ARHGAP15: variants seen among roughly 807,000 people sequenced by gnomAD.
The protein encoded by ARHGAP15 is Rho GTPase activating protein 15, also known as rho GTPase-activating protein 15.
ARHGAP15 carries 51 observed loss-of-function variants against 63.7 expected under a neutral mutation model. The ratio of observed to expected loss-of-function variants is 0.80; its 90% CI spans 0.64 to 1.01. ARHGAP15 has a LOEUF of 1.01. Ranked by LOEUF, ARHGAP15 falls within the 50% of genes least tolerant of loss-of-function variation. The pLI is 0.00. For missense variants in ARHGAP15, 560 were observed against 564.6 expected (o/e 0.99, Z 0.08); for synonymous variants, 191 against 193.8 (o/e 0.99, Z 0.12).
At chr2:143,260,084 T>G (rs1286410446) in intron 6 of ARHGAP15, among the ~76,000 whole-genome samples, 1 of 152,134 alleles carries the variant, frequency 6.6e-6, no homozygotes, top group African/African-American at 2.4e-5. Context: ...GGTTCATAAA[T>G]TTCTTCCCAT....
intron 6 of ARHGAP15, among the ~76,000 whole-genome samples, chr2:143,334,880 C>T (rs540386369): frequency 3.4e-4 from 51 of 152,210 alleles, no homozygotes; most frequent in Non-Finnish European, 1.5e-4. Context: ...CATCTGAGGT[C>T]GGGAGTTCGA....
At chr2:143,185,272 C>A (rs1373936531) in intron 2 of ARHGAP15, among the ~76,000 whole-genome samples, 2 of 152,152 alleles carry the variant, frequency 1.3e-5, no homozygotes, top group Non-Finnish European at 2.9e-5. Context: ...GAAAAATAAT[C>A]TTTTTCTCTT....
chr2:143,650,055 C>A lies in ARHGAP15; in HGVS notation c.1138+25788C>A, dbSNP rs865978298. On this transcript the variant is annotated intron_variant, in intron 12 of 13. Coordinates refer to ENST00000295095, the MANE Select transcript of ARHGAP15 (RefSeq NM_018460.4). Reference sequence around the variant, plus strand: ...TTTCATGTTGTTGGAGGTTTTTTTTCTTCTTTTAAATTCCGTCAGTAAACT... The same window carrying A: ...TTTCATGTTGTTGGAGGTTTTTTTTATTCTTTTAAATTCCGTCAGTAAACT... 6.7e-4 allele frequency among the ~76,000 whole-genome samples: 101 copies of A among 151,000 alleles called. 1 individual carries two copies. The Middle Eastern group carries it at 0.01, about 15-fold the overall frequency.
intron 1 of ARHGAP15, among the ~76,000 whole-genome samples, chr2:143,154,379 A>G (rs960238394): frequency 1.3e-5 from 2 of 151,852 alleles, no homozygotes; most frequent in Non-Finnish European, 2.9e-5. Context: ...ATTAGAATGA[A>G]TGATTCTAGC....
At chr2:143,637,200 A>G (rs1340845903) in intron 12 of ARHGAP15, among the ~76,000 whole-genome samples, 1 of 152,148 alleles carries the variant, frequency 6.6e-6, no homozygotes, top group Non-Finnish European at 1.5e-5. Flanking sequence ...AAGAGAAATC[A>G]TACTTCAGTG....
intron 12 of ARHGAP15, among the ~76,000 whole-genome samples, chr2:143,657,125 T>TCG (rs1488215228): frequency 6.6e-6 from 1 of 152,154 alleles, no homozygotes; most frequent in Admixed American, 6.5e-5. Context: ...GGTGGGCAGA[T>TCG]CGTGAGGTCA....
At chr2:143,338,311 A>G (rs2105278885) in intron 6 of ARHGAP15, among the ~76,000 whole-genome samples, 1 of 152,324 alleles carries the variant, frequency 6.6e-6, no homozygotes, top group South Asian at 2.1e-4. Context: ...GGTAGCTAAC[A>G]AATTTCTAAC....
intron 10 of ARHGAP15, among the ~76,000 whole-genome samples, chr2:143,543,460 T>C (rs1574611088): frequency 6.6e-6 from 1 of 152,126 alleles, no homozygotes; most frequent in South Asian, 2.1e-4. Context: ...TAACATCCTG[T>C]CAAATGTATA....
At chr2:143,148,050 A>G (rs1026141465) in intron 1 of ARHGAP15, among the ~76,000 whole-genome samples, 4 of 152,040 alleles carry the variant, frequency 2.6e-5, no homozygotes, top group African/African-American at 9.7e-5. Context: ...AAAAATAACC[A>G]GGTTCTCCTA....
At chr2:143,160,333 G>A (rs1369735380) in intron 2 of ARHGAP15, among the ~76,000 whole-genome samples, 1 of 151,852 alleles carries the variant, frequency 6.6e-6, no homozygotes, top group Non-Finnish European at 1.5e-5. Context: ...ACAGTGTTTT[G>A]TTCCTAATCT....
At chr2:143,626,618 T>C (rs1446728284) in intron 12 of ARHGAP15, among the ~76,000 whole-genome samples, 1 of 152,144 alleles carries the variant, frequency 6.6e-6, no homozygotes, top group Non-Finnish European at 1.5e-5. Flanking sequence ...TCCCCTCCCA[T>C]GTTCTGTTTC....
chr2:143,182,285 T>C (rs1691269132), intron 2 of ARHGAP15, among the ~76,000 whole-genome samples: 1 of 152,140 alleles, frequency 6.6e-6, no homozygotes, highest in South Asian at 2.1e-4. Flanking sequence ...TTACAGGCCA[T>C]TGTAGGGTTA....
chr2:143,267,807 T>A (rs568600987), intron 6 of ARHGAP15, among the ~76,000 whole-genome samples: 33 of 152,186 alleles, frequency 2.2e-4, no homozygotes, highest in Non-Finnish European at 4.6e-4. Context: ...TGAGTATCTT[T>A]GTTATTGGAA....
At chr2:143,420,947 G>C (rs1688891841) in intron 6 of ARHGAP15, among the ~76,000 whole-genome samples, 1 of 152,166 alleles carries the variant, frequency 6.6e-6, no homozygotes, top group African/African-American at 2.4e-5. Flanking sequence ...ACTACTCCCA[G>C]ATCTTGTATC....
chr2:143,380,969 T>C (rs1687032255), intron 6 of ARHGAP15, among the ~76,000 whole-genome samples: 1 of 152,152 alleles, frequency 6.6e-6, no homozygotes, highest in Non-Finnish European at 1.5e-5. Flanking sequence ...CCTGGACTGT[T>C]AGTTAAGCGA....
chr2:143,487,312 A>C (rs1692368454), intron 8 of ARHGAP15, 61 bp from the exon 9 acceptor site: 1 of 1,552,212 alleles, frequency 6.4e-7, no homozygotes, highest in Non-Finnish European at 8.7e-7. Flanking sequence ...TCAGATTTGC[A>C]TAAAGTAATA....
intron 12 of ARHGAP15, among the ~76,000 whole-genome samples, chr2:143,626,496 G>C (rs777698609): frequency 5.3e-5 from 8 of 152,078 alleles, no homozygotes; most frequent in Admixed American, 3.9e-4. Flanking sequence ...AAGAGTGAGT[G>C]GTAGCAAGGT....
intron 11 of ARHGAP15, chr2:143,607,569 G>A (rs1374146556): frequency 6.6e-6 from 1 of 151,688 alleles, no homozygotes; most frequent in Middle Eastern, 3.2e-3. Context: ...GAGAGAGAGA[G>A]AGAGACAGAG....
At chr2:143,407,370 C>T (rs562942351) in intron 6 of ARHGAP15, among the ~76,000 whole-genome samples, 9 of 151,728 alleles carry the variant, frequency 5.9e-5, no homozygotes, top group East Asian at 1.9e-4. Context: ...ATTGTTAAAC[C>T]GTAAGTAGTC....
Sources: gnomAD v4.1 joint callset for allele counts (sites outside exome capture counted in the v4.1 genomes callset) on GRCh38, gnomAD v4.1.1 for gene constraint, MANE v1.5 for transcripts, NCBI Gene and HGNC (gene_info 2026-07-23, HGNC 2026-07-21) for gene names.